Variants in ATP11B observed in about 807,000 individuals in gnomAD.
The protein encoded by ATP11B is phospholipid-transporting ATPase IF.
In ATP11B, 81 loss-of-function variants were observed where a neutral mutation model predicts 157.8. The ratio of observed to expected loss-of-function variants is 0.51; its 90% CI spans 0.43 to 0.62. The LOEUF is 0.62. ATP11B is among the 20% of genes least tolerant of loss of function. The pLI is 0.00. For synonymous variants in ATP11B, 451 were observed against 469.4 expected (o/e 0.96, Z 0.51); for missense variants, 1,165 against 1,402.2 (o/e 0.83, Z 2.70).
At chr3:182,837,781 T>G (rs1331666977) in intron 7 of ATP11B, among the ~76,000 whole-genome samples, 1 of 152,098 alleles carries the variant, frequency 6.6e-6, no homozygotes, top group Non-Finnish European at 1.5e-5. Flanking sequence ...AGATCTTGTT[T>G]CTGAAAGGAG....
chr3:182,865,618 A>G lies in ATP11B; in HGVS notation c.1363A>G (p.Ser455Gly), dbSNP rs1204402043. 1 of 1,613,414 alleles carries G rather than the reference A, an allele frequency of 6.2e-7. No individual in the cohort carries two copies. Among genetic ancestry groups the G allele is most frequent in the South Asian group, 1.1e-5 (1 of 91,066 alleles). Residue 455 changes from serine (S) to glycine (G), a missense_variant, in exon 13 of 30, where the codon AGT becomes GGT. By Grantham distance (56) the Ser-to-Gly change is moderately conservative (BLOSUM62 0). Coordinates refer to ENST00000323116, the MANE Select transcript of ATP11B (RefSeq NM_014616.3). ...SSEGNLSYLS[S>G]LSHLNNLSHL... The stretch of plus-strand genomic sequence containing the variant: ...AGAAGGAAACTTATCTTATCTTAGT[A>G]GTTTATCCCATCTTAACAACTTATC...
chr3:182,839,602 A>ATCTT, intron 7 of ATP11B, among the ~76,000 whole-genome samples: 1 of 35,618 alleles, frequency 2.8e-5, no homozygotes, highest in East Asian at 4.0e-4. Context: ...CATTTTTTAA[A>ATCTT]TATTTATTTT....
chr3:182,843,159 T>C (rs1327029496), intron 8 of ATP11B, among the ~76,000 whole-genome samples: 3 of 152,212 alleles, frequency 2.0e-5, no homozygotes, highest in Non-Finnish European at 4.4e-5. Flanking sequence ...AGCTATTATT[T>C]CTCCTTTTCT....
intron 7 of ATP11B, 117 bp from the exon 8 acceptor site, chr3:182,841,958 G>A (rs1036332943): frequency 1.4e-5 from 8 of 580,618 alleles, no homozygotes; most frequent in African/African-American, 4.7e-5. Flanking sequence ...CAGCCTAGGC[G>A]ACAGAGCAAG....
At chr3:182,888,517 C>G (rs1191152265) in intron 24 of ATP11B, among the ~76,000 whole-genome samples, 1 of 151,824 alleles carries the variant, frequency 6.6e-6, no homozygotes, top group African/African-American at 2.4e-5. Context: ...ATGCCTATGT[C>G]ATATTTCTTT....
At chr3:182,843,459 A>C (rs1051975847) in intron 8 of ATP11B, 1 of 152,244 alleles carries the variant, frequency 6.6e-6, no homozygotes, top group African/African-American at 2.4e-5. Context: ...AACAAGTATA[A>C]GTGCTATGCT....
At chr3:182,810,735 A>G (rs937809857) in intron 1 of ATP11B, among the ~76,000 whole-genome samples, 2 of 152,306 alleles carry the variant, frequency 1.3e-5, no homozygotes, top group Admixed American at 1.3e-4. Flanking sequence ...TTTGTTGTAC[A>G]GTAGTTTCCT....
chr3:182,849,585 A>G (rs1379482565), intron 10 of ATP11B, among the ~76,000 whole-genome samples: 1 of 152,218 alleles, frequency 6.6e-6, no homozygotes, highest in Non-Finnish European at 1.5e-5. Context: ...CAGAGAAATG[A>G]AAACTCTTGA....
intron 17 of ATP11B, among the ~76,000 whole-genome samples, chr3:182,871,688 A>G (rs977452248): frequency 2.6e-5 from 4 of 152,214 alleles, no homozygotes; most frequent in Non-Finnish European, 5.9e-5. Context: ...CTCTCTTGAC[A>G]GTCTTGAAGG....
Position 182,853,900 on chromosome 3 carries a change from A to T in ATP11B, c.852-3978A>T, listed in dbSNP as rs559958884. 5.1e-4 allele frequency among the ~76,000 whole-genome samples: 77 copies of T among 152,348 alleles called. 1 individual carries two copies. Among genetic ancestry groups the T allele is most frequent in the African/African-American group, 1.9e-3 (77 of 41,580 alleles). On this transcript the variant is annotated intron_variant, in intron 10 of 29. Coordinates refer to ENST00000323116, the MANE Select transcript of ATP11B (RefSeq NM_014616.3). ...TTTACCTTACCTGATTTAAATACTTAATATAAAGCTACAGTAATTACAGTA... is the reference window on the plus strand; with the variant it reads ...TTTACCTTACCTGATTTAAATACTTTATATAAAGCTACAGTAATTACAGTA...
At position 182,842,118 on chromosome 3, in the gene ATP11B, G is replaced by C; in HGVS notation, c.700G>C (p.Val234Leu). Residue 234 changes from valine (V) to leucine (L), a missense_variant, in exon 8 of 30, where the codon GTA (valine) becomes CTA (leucine). Coordinates refer to ENST00000323116, the MANE Select transcript of ATP11B (RefSeq NM_014616.3). Reference protein sequence around the residue: ...MIITQQMEEIVRPLGPESLLL... With the variant: ...MIITQQMEEILRPLGPESLLL... ...CATAACCCAACAAATGGAAGAAATT[G>C]TAAGGTAAGAATTAATTTGTGTTAT... 6.2e-7 allele frequency: 1 copy of C among 1,600,350 alleles called. No homozygotes were observed. The highest frequency in any genetic ancestry group is 8.6e-7 in the Non-Finnish European group (1 of 1,169,222).
chr3:182,836,648 G>A (rs918484355), intron 6 of ATP11B, 178 bp downstream of exon 6: 2 of 690,338 alleles, frequency 2.9e-6, no homozygotes, highest in Non-Finnish European at 4.5e-6. Context: ...TTTATTTCAA[G>A]GGTAGCCTCA....
At chr3:182,837,618 T>C (rs1471536856) in intron 7 of ATP11B, among the ~76,000 whole-genome samples, 1 of 152,080 alleles carries the variant, frequency 6.6e-6, no homozygotes, top group East Asian at 1.9e-4. Context: ...GTTTTCAATA[T>C]TTTACTTACA....
rs747122184 is a variant in ATP11B at position 182,848,573 on chromosome 3, T to C, written c.851+16T>C. The C allele has an allele frequency of 3.4e-6, 5 of 1,459,092 alleles. No individual in the cohort carries two copies. In the South Asian group the frequency reaches 4.3e-5, roughly 13 times the overall value. 90.4% of individuals were successfully genotyped at this position (1,459,092 alleles called of 1,614,324 possible). A position where few individuals can be genotyped will look rare whatever the true frequency, so the allele number is the denominator to read the frequency against. On this transcript the variant is annotated intron_variant, in intron 10 of 29. Coordinates refer to ENST00000323116, the MANE Select transcript of ATP11B (RefSeq NM_014616.3). ...CAGTAGAAAAGTAAGAAAACTGTTT[T>C]CATTTATTTATATGTAATTATAACT...
At chr3:182,857,830 T>G in intron 10 of ATP11B, 48 bp from the exon 11 acceptor site, 1 of 1,194,994 alleles carries the variant, frequency 8.4e-7, no homozygotes, top group Non-Finnish European at 1.2e-6. Context: ...CAAATGAATA[T>G]AGTAATACAT....
At chr3:182,894,992 GGCGTGT>G (rs1309463992) in intron 25 of ATP11B, among the ~76,000 whole-genome samples, 2 of 151,588 alleles carry the variant, frequency 1.3e-5, no homozygotes, top group African/African-American at 4.8e-5. Context: ...TAAGTGTGGT[GGCGTGT>G]GCCTCTAGTC....
At chr3:182,900,076 TA>T (rs1406931112) in intron 28 of ATP11B, among the ~76,000 whole-genome samples, 1 of 152,228 alleles carries the variant, frequency 6.6e-6, no homozygotes, top group Non-Finnish European at 1.5e-5. Context: ...TGATGTAAGT[TA>T]GGCTTCCTGA....
chr3:182,800,405 A>T (rs57241342), intron 1 of ATP11B, among the ~76,000 whole-genome samples: 107,222 of 149,816 alleles, frequency 0.72, 38,608 homozygotes, highest in Non-Finnish European at 0.77. Context: ...AAAAAAAAAA[A>T]TTGTAGAGGT....
intron 12 of ATP11B, among the ~76,000 whole-genome samples, chr3:182,861,122 A>G (rs1720801419): frequency 6.7e-6 from 1 of 150,152 alleles, no homozygotes; most frequent in African/African-American, 2.5e-5. Flanking sequence ...CTGGAGTGCA[A>G]TGGCGCAATC....
Sources: gnomAD v4.1 joint callset for allele counts (sites outside exome capture counted in the v4.1 genomes callset) on GRCh38, gnomAD v4.1.1 for gene constraint, MANE v1.5 for transcripts, NCBI Gene and HGNC (gene_info 2026-07-23, HGNC 2026-07-21) for gene names.